BMPR1B: variants seen among roughly 807,000 people sequenced by gnomAD.
BMPR1B encodes bone morphogenetic protein receptor type-1B.
Under a neutral mutation model 59.1 loss-of-function variants are expected in BMPR1B, and 12 were observed. The ratio of observed to expected loss-of-function variants is 0.20; its 90% confidence interval spans 0.13 to 0.33. The LOEUF (loss-of-function observed/expected upper bound fraction) is 0.33. Among genes scored for constraint, BMPR1B ranks in the 10% least tolerant of loss-of-function variants. The pLI, the probability that BMPR1B is intolerant of heterozygous loss-of-function variation, is 1.00. For synonymous variants in BMPR1B, 237 were observed against 207.3 expected (o/e 1.14, Z -1.23); for missense variants, 550 against 610.9 (o/e 0.90, Z 1.05).
chr4:95,140,649 G>A (rs569795524), intron 10 of BMPR1B, among the ~76,000 whole-genome samples: 59 of 151,886 alleles, frequency 3.9e-4, no homozygotes, highest in African/African-American at 1.1e-3. Context: ...AATTATTTTG[G>A]GACATGCTTC....
intron 2 of BMPR1B, among the ~76,000 whole-genome samples, chr4:94,902,076 TGTGTGTGTGTGG>T (rs1229237240): frequency 2.4e-4 from 33 of 134,884 alleles, no homozygotes; most frequent in African/African-American, 8.6e-4. Flanking sequence ...TGTGTGTGTG[TGTGTGTGTGTGG>T]GGTGTATTTA....
At chr4:95,036,200 T>G (rs1373450487) in intron 3 of BMPR1B, among the ~76,000 whole-genome samples, 2 of 152,096 alleles carry the variant, frequency 1.3e-5, no homozygotes, top group Non-Finnish European at 2.9e-5. Flanking sequence ...AAATGGGGTA[T>G]CCATCACCTC....
intron 3 of BMPR1B, among the ~76,000 whole-genome samples, chr4:95,086,112 A>G (rs898363596): frequency 8.5e-5 from 13 of 152,222 alleles, no homozygotes; most frequent in Non-Finnish European, 1.5e-4. Flanking sequence ...ATTCTGGATC[A>G]TTAATAAACA....
At chr4:94,826,058 A>G (rs1469195725) in intron 1 of BMPR1B, among the ~76,000 whole-genome samples, 3 of 152,184 alleles carry the variant, frequency 2.0e-5, no homozygotes, top group African/African-American at 7.2e-5. Flanking sequence ...AAATTTTAAA[A>G]TCATTTCCTC....
intron 3 of BMPR1B, among the ~76,000 whole-genome samples, chr4:95,046,149 C>T (rs1726044373): frequency 6.6e-6 from 1 of 152,056 alleles, no homozygotes; most frequent in African/African-American, 2.4e-5. Context: ...AATCAAGCAG[C>T]CCTCTTGCCT....
intron 2 of BMPR1B, among the ~76,000 whole-genome samples, chr4:94,958,107 C>T (rs77744101): frequency 0.043 from 6,517 of 152,234 alleles, 350 homozygotes; most frequent in African/African-American, 0.12. Context: ...GGATCATTCA[C>T]ATATGATTAA....
chr4:95,040,216 G>A (rs1258959383), intron 3 of BMPR1B, among the ~76,000 whole-genome samples: 1 of 152,080 alleles, frequency 6.6e-6, no homozygotes, highest in African/African-American at 2.4e-5. Context: ...TTTCCAAATA[G>A]TTGAAAACAG....
intron 2 of BMPR1B, among the ~76,000 whole-genome samples, chr4:94,956,690 T>C (rs1231062148): frequency 6.6e-6 from 1 of 152,214 alleles, no homozygotes; most frequent in Non-Finnish European, 1.5e-5. Flanking sequence ...TGTGCTCTTA[T>C]CATACTTTAT....
chr4:94,903,232 G>C (rs1383834498), intron 2 of BMPR1B, among the ~76,000 whole-genome samples: 1 of 151,930 alleles, frequency 6.6e-6, no homozygotes, highest in Non-Finnish European at 1.5e-5. Flanking sequence ...AGCTACCTTT[G>C]TTTGAAAAGT....
chr4:94,829,286 TG>T (rs1724488784), intron 1 of BMPR1B, among the ~76,000 whole-genome samples: 2 of 152,006 alleles, frequency 1.3e-5, no homozygotes, highest in African/African-American at 2.4e-5. Flanking sequence ...TTCTTTATGA[TG>T]TTGCTCTTAG....
chr4:95,131,228 A>G lies in BMPR1B; in HGVS notation c.792A>G (p.Ala264=), dbSNP rs1560678130. The G allele has an allele frequency of 1.2e-6, 2 of 1,613,874 alleles. No homozygotes were observed. Among genetic ancestry groups the G allele is most frequent in the Non-Finnish European group, 1.7e-6 (2 of 1,179,882 alleles). The part of the protein sequence containing the change: ...RHENILGFIA[A]DIKGTGSWTQ... ...TTTTCCTTTTAGGTTTCATTGCTGC[A>G]GATATCAAAGGGACAGGGTCCTGGA... Residue 264 remains alanine (A), a synonymous_variant, in exon 10 of 13, where the codon GCA becomes GCG. Transcript: ENST00000515059.
At chr4:94,944,745 T>A (rs547169762) in intron 2 of BMPR1B, among the ~76,000 whole-genome samples, 74 of 152,326 alleles carry the variant, frequency 4.9e-4, no homozygotes, top group East Asian at 1.2e-3. Flanking sequence ...TGATTTTTTT[T>A]AAAAATGAAC....
At chr4:95,081,352 G>C (rs186820341) in intron 3 of BMPR1B, among the ~76,000 whole-genome samples, 1 of 152,222 alleles carries the variant, frequency 6.6e-6, no homozygotes, top group Non-Finnish European at 1.5e-5. Context: ...TAGAAAGAAT[G>C]ACTGACAGAA....
At chr4:94,786,755 A>G (rs1722779264) in intron 1 of BMPR1B, among the ~76,000 whole-genome samples, 1 of 152,044 alleles carries the variant, frequency 6.6e-6, no homozygotes, top group Non-Finnish European at 1.5e-5. Flanking sequence ...CGTGTTAGCC[A>G]GGATAGTCTT....
intron 3 of BMPR1B, among the ~76,000 whole-genome samples, chr4:95,037,567 G>A (rs953353289): frequency 2.2e-4 from 34 of 152,134 alleles, no homozygotes; most frequent in African/African-American, 8.0e-4. Context: ...TTTTAAATGA[G>A]TGAGGCTCTC....
chr4:94,761,264 A>C (rs1024142342), intron 1 of BMPR1B, among the ~76,000 whole-genome samples: 1 of 152,204 alleles, frequency 6.6e-6, no homozygotes, highest in Non-Finnish European at 1.5e-5. Flanking sequence ...GTAAGCATGG[A>C]GGTAACACCG....
intron 1 of BMPR1B, among the ~76,000 whole-genome samples, chr4:94,849,397 G>A (rs896231246): frequency 2.0e-5 from 3 of 152,170 alleles, no homozygotes; most frequent in Non-Finnish European, 4.4e-5. Context: ...GGTTTCAGTA[G>A]AGGTCAAGGC....
intron 2 of BMPR1B, among the ~76,000 whole-genome samples, chr4:94,907,375 A>G (rs1272899949): frequency 6.6e-6 from 1 of 152,092 alleles, no homozygotes; most frequent in Non-Finnish European, 1.5e-5. Flanking sequence ...ACAGGAATCA[A>G]CATTATCCAT....
At chr4:94,924,527 C>T (rs967639670) in intron 2 of BMPR1B, among the ~76,000 whole-genome samples, 3 of 152,120 alleles carry the variant, frequency 2.0e-5, no homozygotes, top group African/African-American at 4.8e-5. Flanking sequence ...ACAGAAGCCT[C>T]AGGTGTAGGA....
Sources: allele counts gnomAD v4.1 joint callset (sites outside exome capture counted in the v4.1 genomes callset), GRCh38; gene constraint gnomAD v4.1.1; transcripts MANE v1.5; gene names NCBI Gene and HGNC (gene_info 2026-07-23, HGNC 2026-07-21).